The following B3GALT1 variants were observed in gnomAD, a reference collection of about 807,000 sequenced individuals.
B3GALT1 encodes UDP-Gal:betaGlcNAc beta 1,3-galactosyltransferase, polypeptide 1.
B3GALT1 carries 10 observed loss-of-function variants against 23.2 expected under a neutral mutation model. The ratio of observed to expected loss-of-function variants is 0.43; its 90% CI spans 0.27 to 0.73. B3GALT1 has a LOEUF of 0.73. Ranked by LOEUF, B3GALT1 falls within the 30% of genes least tolerant of loss-of-function variation. The pLI, the probability that B3GALT1 is intolerant of heterozygous loss-of-function variation, is 0.21. For missense variants in B3GALT1, 299 were observed against 405.4 expected (o/e 0.74, Z 2.25); for synonymous variants, 156 against 141.5 (o/e 1.10, Z -0.73).
At chr2:167,707,262 C>T (rs1336290402) in intron 3 of B3GALT1, among the ~76,000 whole-genome samples, 2 of 152,174 alleles carry the variant, frequency 1.3e-5, no homozygotes, top group Non-Finnish European at 2.9e-5. Flanking sequence ...GGTTTCCAGG[C>T]AAAATAAATG....
At chr2:167,586,856 AACTC>A (rs1684592832) in intron 2 of B3GALT1, among the ~76,000 whole-genome samples, 1 of 152,188 alleles carries the variant, frequency 6.6e-6, no homozygotes, top group African/African-American at 2.4e-5. Context: ...AAGAAACTAA[AACTC>A]AAGAGAGTAA....
In B3GALT1 at chr2:167,610,664, C is replaced by G. The variant is rs114716933; in HGVS notation, c.-409-36245C>G. Among the ~76,000 whole-genome samples, 238 of 152,036 alleles carry G rather than the reference C, an allele frequency of 1.6e-3. 2 individuals are homozygous for G. Among genetic ancestry groups the G allele is most frequent in the Admixed American group, 0.011 (166 of 15,226 alleles). On this transcript the variant is annotated intron_variant, in intron 2 of 4. Transcript: ENST00000392690. ...GGTAGTGGTAGTTATTCCAAAATGT[C>G]TGCCTCCTTAAGTTTAATCCTGGAC...
chr2:167,563,101 TC>T lies in B3GALT1; in HGVS notation c.-410+72831del, dbSNP rs564289919. On this transcript the variant is annotated intron_variant, in intron 2 of 4. Transcript: ENST00000392690. ...GATTTCTCAATCTTCTCCCCACCTT[TC>T]CCCCCCTTCCATTCCACAAAACCGC... 1.2e-4 allele frequency among the ~76,000 whole-genome samples: 18 copies of T among 149,838 alleles called. 1 individual carries two copies. In the East Asian group the frequency reaches 2.0e-3, roughly 17 times the overall value.
intron 4 of B3GALT1, among the ~76,000 whole-genome samples, chr2:167,849,436 A>T (rs1383246918): frequency 1.1e-4 from 17 of 152,218 alleles, no homozygotes; most frequent in Admixed American, 9.8e-4. Context: ...AAATACTTAC[A>T]GCCAACTGAT....
chr2:167,636,893 G>T (rs1288091737), intron 2 of B3GALT1, among the ~76,000 whole-genome samples: 3 of 151,956 alleles, frequency 2.0e-5, no homozygotes. Flanking sequence ...TAGGTGATGG[G>T]TTGATGGGTG....
chr2:167,636,150 C>CT (rs1259899623), intron 2 of B3GALT1, among the ~76,000 whole-genome samples: 1 of 151,894 alleles, frequency 6.6e-6, no homozygotes, highest in Non-Finnish European at 1.5e-5. Context: ...GTAAAAGCAA[C>CT]TTTGTCAGCA....
chr2:167,616,949 G>C (rs1221410783), intron 2 of B3GALT1, among the ~76,000 whole-genome samples: 1 of 152,106 alleles, frequency 6.6e-6, no homozygotes, highest in African/African-American at 2.4e-5. Flanking sequence ...AATCATGTCA[G>C]TTAGCAATGC....
At chr2:167,561,878 C>T (rs1241055403) in intron 2 of B3GALT1, among the ~76,000 whole-genome samples, 2 of 152,186 alleles carry the variant, frequency 1.3e-5, no homozygotes, top group African/African-American at 4.8e-5. Flanking sequence ...ACCAGAGGTA[C>T]AAGGAGGAAC....
intron 3 of B3GALT1, among the ~76,000 whole-genome samples, chr2:167,800,220 T>C (rs1688615791): frequency 6.6e-6 from 1 of 152,208 alleles, no homozygotes; most frequent in Non-Finnish European, 1.5e-5. Context: ...ATAAAATCAT[T>C]GGGACAGGAA....
At chr2:167,795,159 A>G (rs1045869909) in intron 3 of B3GALT1, among the ~76,000 whole-genome samples, 8 of 152,076 alleles carry the variant, frequency 5.3e-5, no homozygotes, top group African/African-American at 1.7e-4. Flanking sequence ...CTTTTTTATT[A>G]TTTCAATTAA....
chr2:167,322,421 AAATT>A (rs1434271068), intron 1 of B3GALT1, among the ~76,000 whole-genome samples: 1 of 151,916 alleles, frequency 6.6e-6, no homozygotes, highest in East Asian at 1.9e-4. Context: ...ACATTTTAAA[AAATT>A]AAAACTGGAT....
At chr2:167,461,389 A>G (rs879264260) in intron 1 of B3GALT1, among the ~76,000 whole-genome samples, 3 of 152,190 alleles carry the variant, frequency 2.0e-5, no homozygotes, top group Non-Finnish European at 4.4e-5. Context: ...TATAGCAGAC[A>G]GATTCTGCCA....
At chr2:167,414,466 A>G (rs765203962) in intron 1 of B3GALT1, among the ~76,000 whole-genome samples, 4 of 152,194 alleles carry the variant, frequency 2.6e-5, no homozygotes, top group Non-Finnish European at 5.9e-5. Context: ...TATGTGTTAC[A>G]TTACTGCTAA....
At chr2:167,406,557 A>C (rs1322923661) in intron 1 of B3GALT1, among the ~76,000 whole-genome samples, 1 of 152,174 alleles carries the variant, frequency 6.6e-6, no homozygotes, top group Non-Finnish European at 1.5e-5. Context: ...GTACTTGAAA[A>C]AGTGAGATTG....
At chr2:167,444,577 C>A (rs561517858) in intron 1 of B3GALT1, among the ~76,000 whole-genome samples, 1 of 152,142 alleles carries the variant, frequency 6.6e-6, no homozygotes, top group East Asian at 1.9e-4. Context: ...GATTCAACTT[C>A]TTCCTTTTTA....
At chr2:167,667,726 C>A (rs903065914) in intron 3 of B3GALT1, among the ~76,000 whole-genome samples, 1 of 152,218 alleles carries the variant, frequency 6.6e-6, no homozygotes, top group African/African-American at 2.4e-5. Flanking sequence ...GATGCCCTTT[C>A]TTCCAGTTGA....
Position 167,303,962 on chromosome 2 carries a change from C to T in B3GALT1, c.-511+10628C>T, listed in dbSNP as rs1696503580. 2.0e-5 allele frequency among the ~76,000 whole-genome samples: 3 copies of T among 152,050 alleles called. No individual in the cohort carries two copies. The South Asian group carries it at 6.2e-4, about 31-fold the overall frequency. On this transcript the variant is annotated intron_variant, in intron 1 of 4. Coordinates refer to ENST00000392690, the MANE Select transcript of B3GALT1 (RefSeq NM_020981.4). The stretch of plus-strand genomic sequence containing the variant: ...TTCACTGGGTTGGGGAGACCTCTTT[C>T]CCTGACAAAGAAGACTCATCAGAAT...
At chr2:167,774,454 G>GTT (rs1376002850) in intron 3 of B3GALT1, among the ~76,000 whole-genome samples, 1 of 135,930 alleles carries the variant, frequency 7.4e-6, no homozygotes, top group African/African-American at 2.6e-5. Context: ...TGCTTCTGTA[G>GTT]TTTTTCTGTG....
chr2:167,551,634 ATCC>A (rs954584874), intron 2 of B3GALT1, among the ~76,000 whole-genome samples: 1 of 152,160 alleles, frequency 6.6e-6, no homozygotes, highest in Non-Finnish European at 1.5e-5. Flanking sequence ...GGTTGTCTGT[ATCC>A]TCCTGGATGA....
Sources: gnomAD v4.1 joint callset for allele counts (sites outside exome capture counted in the v4.1 genomes callset) on GRCh38, gnomAD v4.1.1 for gene constraint, MANE v1.5 for transcripts, NCBI Gene and HGNC (gene_info 2026-07-23, HGNC 2026-07-21) for gene names.